Variants in FBXL13 observed in about 807,000 individuals in gnomAD.
FBXL13 encodes the protein F-box and leucine rich repeat protein 13, also known as F-box and leucine-rich repeat protein 13.
A neutral mutation model predicts 83.6 loss-of-function variants in FBXL13; 67 were observed. The observed-to-expected ratio is 0.80, with a 90% CI of 0.66 to 0.98. The LOEUF (loss-of-function observed/expected upper bound fraction) is 0.98, where lower values mean the gene tolerates loss of function less well. FBXL13 is among the 50% of genes least tolerant of loss of function. FBXL13 has a pLI of 0.00. For synonymous variants in FBXL13, 272 were observed against 299.5 expected (o/e 0.91, Z 0.95); for missense variants, 822 against 866.5 (o/e 0.95, Z 0.64).
chr7:102,953,161 C>T (rs1007699297), intron 8 of FBXL13, among the ~76,000 whole-genome samples: 2 of 152,096 alleles, frequency 1.3e-5, no homozygotes, highest in Non-Finnish European at 2.9e-5. Flanking sequence ...TTCGATGAAG[C>T]CAATATTATC....
chr7:103,065,859 C>T (rs1331374879), intron 1 of FBXL13, among the ~76,000 whole-genome samples: 1 of 152,208 alleles, frequency 6.6e-6, no homozygotes, highest in African/African-American at 2.4e-5. Context: ...GAGCAGACGC[C>T]CCCTGCTGGG....
At chr7:102,944,904 T>A (rs1822191573) in intron 8 of FBXL13, 2 of 240,278 alleles carry the variant, frequency 8.3e-6, no homozygotes, top group Non-Finnish European at 1.6e-5. Flanking sequence ...TATAAATGTT[T>A]TTACTGCTTT....
chr7:103,017,310 A>C (rs368311683), intron 6 of FBXL13, among the ~76,000 whole-genome samples: 180 of 150,356 alleles, frequency 1.2e-3, no homozygotes, highest in African/African-American at 4.3e-3. Context: ...ACATCCATAC[A>C]AAAACCCCAT....
At chr7:102,953,358 G>GA (rs199721072) in intron 8 of FBXL13, among the ~76,000 whole-genome samples, 4,172 of 148,170 alleles carry the variant, frequency 0.028, 72 homozygotes, top group Non-Finnish European at 0.042. Context: ...TTCAACAGAC[G>GA]AAAAAAAAAA....
Position 102,885,361 on chromosome 7 carries a change from A to G in FBXL13, c.1009-1049T>C, listed in dbSNP as rs556588401. On this transcript the variant is annotated intron_variant, in intron 11 of 19. Transcript: ENST00000313221. ...TGTGATTTTCATTTGCATCCCCTTA[A>G]TGAATAATGATATGAGTATCTTTTC... Among the ~76,000 whole-genome samples, 10 of 152,178 alleles carry G rather than the reference A, an allele frequency of 6.6e-5. No individual in the cohort carries two copies. The South Asian group carries it at 2.1e-3, about 32-fold the overall frequency.
In FBXL13 at chr7:102,898,183, C is replaced by T. The variant is rs113102459; in HGVS notation, c.1009-13871G>A. ...CGACTCCTATACACACACACACATACATATATATGTGTATATATACACCCA... is the reference window on the plus strand; with the variant it reads ...CGACTCCTATACACACACACACATATATATATATGTGTATATATACACCCA... On this transcript the variant is annotated intron_variant, in intron 11 of 19. Coordinates refer to ENST00000313221, the Ensembl canonical transcript of FBXL13. Among the ~76,000 whole-genome samples the T allele has an allele frequency of 6.3e-3, 952 of 152,106 alleles. 10 individuals are homozygous for T. Among genetic ancestry groups the T allele is most frequent in the African/African-American group, 0.021 (874 of 41,472 alleles).
At chr7:102,995,564 G>A (rs930327043) in intron 6 of FBXL13, among the ~76,000 whole-genome samples, 2 of 150,922 alleles carry the variant, frequency 1.3e-5, no homozygotes. Context: ...GGAGGCAGAC[G>A]GATCACAAGG....
At chr7:102,876,905 C>T (rs1284561289) in intron 16 of FBXL13, among the ~76,000 whole-genome samples, 104 of 152,254 alleles carry the variant, frequency 6.8e-4, no homozygotes, top group East Asian at 3.9e-4. Flanking sequence ...CTTTCAGAAA[C>T]ATGGCAAATC....
intron 6 of FBXL13, among the ~76,000 whole-genome samples, chr7:102,981,549 AACTGAGTACTATAG>A (rs1401025951): frequency 6.6e-6 from 1 of 152,208 alleles, no homozygotes; most frequent in Non-Finnish European, 1.5e-5. Flanking sequence ...GAGCTGCTAA[AACTGAGTACTATAG>A]ACTGAGTAAC....
intron 11 of FBXL13, among the ~76,000 whole-genome samples, chr7:102,901,283 G>T (rs770833890): frequency 4.6e-5 from 7 of 152,000 alleles, no homozygotes; most frequent in Non-Finnish European, 8.8e-5. Flanking sequence ...AATTTTTGTG[G>T]GTACATAGTA....
chr7:102,913,163 C>T, exon 11 of FBXL13: 1 of 1,614,134 alleles, frequency 6.2e-7, no homozygotes, highest in Non-Finnish European at 8.5e-7. Context: ...AAGCCTTTGT[C>T]TGTGAACCGT....
intron 10 of FBXL13, among the ~76,000 whole-genome samples, chr7:102,925,631 G>T (rs1434595193): frequency 6.6e-6 from 1 of 152,126 alleles, no homozygotes; most frequent in South Asian, 2.1e-4. Context: ...TTGGTAATCA[G>T]GATGTTGGCA....
At chr7:102,902,661 C>T (rs1422054500) in intron 11 of FBXL13, among the ~76,000 whole-genome samples, 1 of 152,166 alleles carries the variant, frequency 6.6e-6, no homozygotes, top group Non-Finnish European at 1.5e-5. Context: ...CCAGTTTTCC[C>T]AGCACCACTT....
intron 6 of FBXL13, among the ~76,000 whole-genome samples, chr7:102,971,656 C>T (rs1015539658): frequency 6.6e-6 from 1 of 151,120 alleles, no homozygotes; most frequent in African/African-American, 2.4e-5. Context: ...GTCCCAGCTA[C>T]TTGAGAGGCT....
At chr7:102,990,078 C>T (rs1490688307) in intron 6 of FBXL13, among the ~76,000 whole-genome samples, 1 of 152,160 alleles carries the variant, frequency 6.6e-6, no homozygotes, top group Non-Finnish European at 1.5e-5. Context: ...GTTAAAGTTT[C>T]CAAATAATAG....
chr7:102,882,717 G>T, intron 14 of FBXL13, among the ~76,000 whole-genome samples: 1 of 152,034 alleles, frequency 6.6e-6, no homozygotes, highest in Admixed American at 6.6e-5. Flanking sequence ...AGCTGAGATC[G>T]TGCCACTGCC....
intron 11 of FBXL13, among the ~76,000 whole-genome samples, chr7:102,895,540 G>A (rs1395803269): frequency 1.3e-5 from 2 of 152,190 alleles, no homozygotes; most frequent in Non-Finnish European, 2.9e-5. Flanking sequence ...TTGAACCTGA[G>A]CTTGAGTGGG....
chr7:103,055,622 C>G (rs1797257690), intron 2 of FBXL13, 22 bp downstream of exon 2: 1 of 1,096,754 alleles, frequency 9.1e-7, no homozygotes, highest in Non-Finnish European at 1.2e-6. Flanking sequence ...ATTTCCCTAT[C>G]AAAAATCAAA....
chr7:103,007,137 C>T (rs1376074245), intron 6 of FBXL13, among the ~76,000 whole-genome samples: 1 of 152,030 alleles, frequency 6.6e-6, no homozygotes, highest in African/African-American at 2.4e-5. Flanking sequence ...ATTTGTATAA[C>T]TGGAGTCCCA....
Sources: gnomAD v4.1 joint callset for allele counts (sites outside exome capture counted in the v4.1 genomes callset) on GRCh38, gnomAD v4.1.1 for gene constraint, MANE v1.5 for transcripts, NCBI Gene and HGNC (gene_info 2026-07-23, HGNC 2026-07-21) for gene names.